RNF111: variants seen among roughly 807,000 people sequenced by gnomAD.
RNF111 encodes the protein ring finger protein 111.
Under a neutral mutation model 95.1 loss-of-function variants are expected in RNF111, and 17 were observed. That is an observed-to-expected ratio of 0.18 (90% CI 0.12 to 0.27). The LOEUF (loss-of-function observed/expected upper bound fraction) is 0.27, where lower values mean the gene tolerates loss of function less well. RNF111 is among the 10% of genes least tolerant of loss of function. The pLI, the probability that RNF111 is intolerant of heterozygous loss-of-function variation, is 1.00. For missense variants in RNF111, 1,189 were observed against 1,210.4 expected, an observed-to-expected ratio of 0.98 and a Z score of 0.26; for synonymous variants, 440 against 414.8, an observed-to-expected ratio of 1.06 and a Z score of -0.74.
intron 12 of RNF111, among the ~76,000 whole-genome samples, chr15:59,091,503 A>G (rs16941014): frequency 0.27 from 41,250 of 152,098 alleles, 5,664 homozygotes; most frequent in East Asian, 0.41. Context: ...TTTCATGCCA[A>G]TTAGCTCCCA....
chr15:59,055,091 T>C (rs2042150323), intron 3 of RNF111, among the ~76,000 whole-genome samples: 1 of 152,234 alleles, frequency 6.6e-6, no homozygotes, highest in Non-Finnish European at 1.5e-5. Flanking sequence ...TCACGTGTTT[T>C]AGAAGCATAA....
In RNF111 at chr15:59,031,582, A is replaced by G. The variant is rs368126554; in HGVS notation, c.760A>G (p.Ser254Gly). 17 of 1,614,232 alleles carry G rather than the reference A, an allele frequency of 1.1e-5. No individual in the cohort carries two copies. Among genetic ancestry groups the G allele is most frequent in the Non-Finnish European group, 1.4e-5 (16 of 1,180,028 alleles). ...AAAATATGCCTTGCTACCTAGTTCT[A>G]GTAGTTCCAGTGAGAATGACCTCAG... ...RRKYALLPSS[S>G]SSSENDLSSE... The change falls in exon 2 of 14, where the codon AGT becomes GGT. Residue 254 changes from serine to glycine, a missense_variant. Around this residue, in one of 2 missense-constraint regions of RNF111, gnomAD observed 1,024 missense variants for 925.9 expected, o/e 1.11. Transcript: ENST00000348370.
At chr15:59,089,097 G>A (rs567082660) in intron 10 of RNF111, among the ~76,000 whole-genome samples, 1 of 152,234 alleles carries the variant, frequency 6.6e-6, no homozygotes, top group African/African-American at 2.4e-5. Context: ...TTTGCCACCG[G>A]TCATATCCAC....
chr15:59,048,970 G>A (rs1358146993), intron 2 of RNF111, among the ~76,000 whole-genome samples: 2 of 152,020 alleles, frequency 1.3e-5, no homozygotes, highest in African/African-American at 4.8e-5. Flanking sequence ...GTGTGGTGGT[G>A]TGCACCTGTA....
Position 58,987,891 on chromosome 15 carries a change from TAC to T in RNF111, c.-195_-194del, listed in dbSNP as rs2038635093. ...GGCCGAGTCCAGGCGCTGCCGCACG[TAC>T]AGTTTTGGTGGCGGTGACAGACACT... is the stretch of plus-strand genomic sequence containing the variant. On this transcript the variant is annotated 5_prime_UTR_variant, in exon 1 of 14. Transcript: ENST00000348370. 6.5e-6 allele frequency: 1 copy of T among 153,336 alleles called. No homozygotes were observed. The allele number at this position is 153,336 out of a possible 1,614,324, so 9.5% of individuals were successfully genotyped here.
In RNF111 at chr15:59,066,754, C is replaced by T. The variant is rs1378656763; in HGVS notation, c.1367-10C>T. On this transcript the variant is annotated splice_polypyrimidine_tract_variant and intron_variant, in intron 5 of 13. Transcript: ENST00000348370. ...ATTTGATTATTCTGTGCATTTTTTT[C>T]TGTTTCAAGATGACTCAAGGAGAAC... 1.9e-6 allele frequency: 3 copies of T among 1,597,910 alleles called. No homozygotes were observed. The highest frequency in any genetic ancestry group is 1.1e-5 in the South Asian group (1 of 89,496).
chr15:59,073,493 A>AT (rs60123130), intron 6 of RNF111, among the ~76,000 whole-genome samples: 1 of 76,626 alleles, frequency 1.3e-5, no homozygotes, highest in African/African-American at 6.1e-5. Context: ...AAAAAAAAAA[A>AT]AATAAATAAA....
intron 11 of RNF111, among the ~76,000 whole-genome samples, chr15:59,090,320 C>T (rs955579640): frequency 6.6e-6 from 1 of 152,158 alleles, no homozygotes; most frequent in Admixed American, 6.5e-5. Context: ...ACCTGCGCCT[C>T]CTGGGTTCAA....
chr15:59,058,651 G>A lies in RNF111; in HGVS notation c.1366+101G>A, dbSNP rs1399546349. On this transcript the variant is annotated intron_variant, in intron 5 of 13. Coordinates refer to ENST00000348370, the MANE Select transcript of RNF111 (RefSeq NM_017610.8). ...AAGATTTTAGCTATGTTAATAAGCG[G>A]GTATTCTTACATTATAATAAACTTC... 2.9e-6 allele frequency: 3 copies of A among 1,026,134 alleles called. No individual in the cohort carries two copies. The African/African-American group carries it at 4.8e-5, about 16-fold the overall frequency. The allele number at this position is 1,026,134 out of a possible 1,614,324, so 63.6% of individuals were successfully genotyped here.
intron 6 of RNF111, among the ~76,000 whole-genome samples, chr15:59,071,036 G>A (rs1277297000): frequency 6.6e-6 from 1 of 152,102 alleles, no homozygotes; most frequent in African/African-American, 2.4e-5. Context: ...GGTGGCTCAC[G>A]CCTGTCATCC....
At chr15:59,019,377 TGTC>T (rs1257574125) in intron 1 of RNF111, among the ~76,000 whole-genome samples, 1 of 152,198 alleles carries the variant, frequency 6.6e-6, no homozygotes, top group Non-Finnish European at 1.5e-5. Context: ...AGGCCTGATA[TGTC>T]TGATGGTAAT....
At chr15:59,043,440 A>T (rs912968141) in intron 2 of RNF111, among the ~76,000 whole-genome samples, 6 of 152,156 alleles carry the variant, frequency 3.9e-5, no homozygotes, top group African/African-American at 1.4e-4. Flanking sequence ...TGCAGGTGTG[A>T]GCCACTGCAA....
At chr15:59,094,704 T>C in intron 13 of RNF111, 79 bp from the exon 14 acceptor site, 1 of 811,872 alleles carries the variant, frequency 1.2e-6, no homozygotes, top group Non-Finnish European at 2.2e-6. Context: ...CATTATTGAA[T>C]TATTACATAT....
intron 4 of RNF111, among the ~76,000 whole-genome samples, chr15:59,057,974 T>C (rs773600538): frequency 3.9e-5 from 6 of 152,226 alleles, no homozygotes; most frequent in Non-Finnish European, 7.3e-5. Context: ...TGTCAGACAG[T>C]GTGGTTTGTA....
intron 1 of RNF111, among the ~76,000 whole-genome samples, chr15:59,021,596 ATTTAACCG>A (rs2040346611): frequency 2.0e-5 from 3 of 152,304 alleles, no homozygotes; most frequent in Admixed American, 1.3e-4. Context: ...AGGTACTCTC[ATTTAACCG>A]TTACGGAATT....
At chr15:59,001,226 G>C (rs1294272211) in intron 1 of RNF111, among the ~76,000 whole-genome samples, 1 of 151,942 alleles carries the variant, frequency 6.6e-6, no homozygotes, top group African/African-American at 2.4e-5. Flanking sequence ...TAGTGGAGTA[G>C]GTGAGGAGGA....
intron 2 of RNF111, among the ~76,000 whole-genome samples, chr15:59,032,536 G>A (rs1229388345): frequency 1.3e-5 from 2 of 152,122 alleles, no homozygotes; most frequent in Admixed American, 1.3e-4. Flanking sequence ...GTCCTCCCAC[G>A]TCAGCGCCTC....
intron 2 of RNF111, among the ~76,000 whole-genome samples, chr15:59,031,954 T>C (rs2040931488): frequency 6.6e-6 from 1 of 152,150 alleles, no homozygotes; most frequent in African/African-American, 2.4e-5. Flanking sequence ...CTTTTTTTTT[T>C]CTGAAACAGA....
At chr15:59,038,855 ATGT>A (rs2041310048) in intron 2 of RNF111, among the ~76,000 whole-genome samples, 1 of 152,128 alleles carries the variant, frequency 6.6e-6, no homozygotes, top group Non-Finnish European at 1.5e-5. Context: ...GAGGGTTCAG[ATGT>A]TGTCATTCTG....
Sources: gnomAD v4.1 joint callset for allele counts (sites outside exome capture counted in the v4.1 genomes callset) on GRCh38, gnomAD v4.1.1 for gene constraint, gnomAD v4.1.1 regional missense constraint, MANE v1.5 for transcripts, NCBI Gene and HGNC (gene_info 2026-07-23, HGNC 2026-07-21) for gene names.